The following SPAG16 variants were observed in gnomAD, a reference collection of about 807,000 sequenced individuals.
SPAG16 encodes the protein sperm associated antigen 16.
Under a neutral mutation model 80.4 loss-of-function variants are expected in SPAG16, and 86 were observed. That is an observed-to-expected ratio of 1.07 (90% CI 0.90 to 1.28). The LOEUF (loss-of-function observed/expected upper bound fraction) is 1.28. Among genes scored for constraint, SPAG16 ranks in the 50% most tolerant of loss-of-function variants. SPAG16 has a pLI of 0.00. For synonymous variants in SPAG16, 294 were observed against 265.9 expected, an observed-to-expected ratio of 1.11 and a Z score of -1.03; for missense variants, 870 against 765.3, an observed-to-expected ratio of 1.14 and a Z score of -1.61.
intron 10 of SPAG16, among the ~76,000 whole-genome samples, chr2:213,817,528 T>C (rs1663798220): frequency 1.3e-5 from 2 of 152,006 alleles, no homozygotes; most frequent in Admixed American, 6.6e-5. Flanking sequence ...GATATATATA[T>C]ACTTTTATGT....
chr2:213,835,950 A>T (rs2074048363), intron 10 of SPAG16, among the ~76,000 whole-genome samples: 1 of 152,194 alleles, frequency 6.6e-6, no homozygotes, highest in African/African-American at 2.4e-5. Flanking sequence ...AATTGAACCT[A>T]TACCCATGTT....
At chr2:214,328,407 C>A (rs1487304038) in intron 15 of SPAG16, among the ~76,000 whole-genome samples, 1 of 152,206 alleles carries the variant, frequency 6.6e-6, no homozygotes, top group African/African-American at 2.4e-5. Context: ...AAGTGATCCA[C>A]CCGCCTCGGC....
At chr2:213,350,845 CA>C (rs1465070923) in intron 7 of SPAG16, among the ~76,000 whole-genome samples, 200 bp downstream of exon 7, 5 of 152,018 alleles carry the variant, frequency 3.3e-5, no homozygotes, top group Admixed American at 6.6e-5. Flanking sequence ...AAAATTAGGC[CA>C]GGGGCAGTGG....
At chr2:214,151,724 A>G (rs1455350602) in intron 15 of SPAG16, among the ~76,000 whole-genome samples, 2 of 151,622 alleles carry the variant, frequency 1.3e-5, no homozygotes, top group Non-Finnish European at 3.0e-5. Flanking sequence ...GTGCAGTTAT[A>G]TACACCTAGC....
At chr2:213,616,786 C>T (rs1190451566) in intron 10 of SPAG16, among the ~76,000 whole-genome samples, 1 of 152,104 alleles carries the variant, frequency 6.6e-6, no homozygotes, top group Non-Finnish European at 1.5e-5. Context: ...TCATATGCTT[C>T]AGTTAAGGTA....
chr2:213,980,712 G>GTGTATATATATATATATATATATA (rs1469351640), intron 12 of SPAG16, among the ~76,000 whole-genome samples: 3 of 113,998 alleles, frequency 2.6e-5, no homozygotes, highest in Admixed American at 2.0e-4. Flanking sequence ...GTGTGTGTGT[G>GTGTATATATATATATATATATATA]TATATATATA....
intron 15 of SPAG16, among the ~76,000 whole-genome samples, chr2:214,296,493 A>G (rs1694143125): frequency 6.6e-6 from 1 of 152,188 alleles, no homozygotes; most frequent in Non-Finnish European, 1.5e-5. Flanking sequence ...AGGTTTTACT[A>G]ATTTACACTC....
intron 10 of SPAG16, among the ~76,000 whole-genome samples, chr2:213,627,470 C>A (rs1048601088): frequency 2.6e-5 from 4 of 152,148 alleles, no homozygotes; most frequent in Admixed American, 2.0e-4. Context: ...AAGCCACTTG[C>A]GGAAAGCCCC....
intron 11 of SPAG16, among the ~76,000 whole-genome samples, chr2:213,910,036 A>G (rs987804456): frequency 7.9e-5 from 12 of 152,206 alleles, no homozygotes; most frequent in Non-Finnish European, 1.2e-4. Context: ...AACCAAAATC[A>G]TACCTTTTAC....
At chr2:213,737,858 G>A (rs931062601) in intron 10 of SPAG16, among the ~76,000 whole-genome samples, 3 of 151,930 alleles carry the variant, frequency 2.0e-5, no homozygotes, top group Non-Finnish European at 4.4e-5. Flanking sequence ...AGTTATTTTC[G>A]ATTTTTGTCA....
At chr2:213,335,269 A>T (rs183584419) in intron 5 of SPAG16, among the ~76,000 whole-genome samples, 12 of 152,318 alleles carry the variant, frequency 7.9e-5, no homozygotes, top group Admixed American at 2.0e-4. Flanking sequence ...AGAAAATTAC[A>T]TCCCTATCTA....
intron 11 of SPAG16, among the ~76,000 whole-genome samples, chr2:213,920,165 C>T (rs1377507537): frequency 6.6e-6 from 1 of 152,014 alleles, no homozygotes; most frequent in Non-Finnish European, 1.5e-5. Context: ...TATTTTTGAG[C>T]CTCTGAGTGT....
At chr2:214,147,790 A>G (rs1042807795) in intron 14 of SPAG16, among the ~76,000 whole-genome samples, 1 of 152,172 alleles carries the variant, frequency 6.6e-6, no homozygotes, top group Admixed American at 6.5e-5. Flanking sequence ...GCCAGTGACA[A>G]CAGTTATAGA....
chr2:213,308,167 C>G (rs920302369), intron 3 of SPAG16, among the ~76,000 whole-genome samples: 1 of 152,044 alleles, frequency 6.6e-6, no homozygotes, highest in African/African-American at 2.4e-5. Context: ...TTTTATTGAG[C>G]AACACTTCAT....
chr2:214,041,888 TTATA>T (rs1241989379), intron 13 of SPAG16, among the ~76,000 whole-genome samples: 1 of 148,266 alleles, frequency 6.7e-6, no homozygotes, highest in African/African-American at 2.5e-5. Flanking sequence ...ATGTACATAT[TTATA>T]TATAGTCTGT....
intron 10 of SPAG16, among the ~76,000 whole-genome samples, chr2:213,513,231 C>T (rs1021824887): frequency 2.0e-5 from 3 of 152,118 alleles, no homozygotes; most frequent in African/African-American, 7.2e-5. Context: ...CTTCTCTATG[C>T]CCTATATTTT....
intron 10 of SPAG16, among the ~76,000 whole-genome samples, chr2:213,672,708 C>T (rs2063860008): frequency 6.6e-6 from 1 of 151,988 alleles, no homozygotes; most frequent in Non-Finnish European, 1.5e-5. Context: ...ATATGGGTAT[C>T]ACATTATTGC....
chr2:213,499,080 C>G (rs1291057648), intron 10 of SPAG16, among the ~76,000 whole-genome samples: 1 of 152,094 alleles, frequency 6.6e-6, no homozygotes, highest in African/African-American at 2.4e-5. Flanking sequence ...CTATGTAGCT[C>G]TAACCAATTT....
At chr2:214,207,235 G>A (rs1228069973) in intron 15 of SPAG16, among the ~76,000 whole-genome samples, 1 of 152,086 alleles carries the variant, frequency 6.6e-6, no homozygotes, top group Non-Finnish European at 1.5e-5. Flanking sequence ...ACATCAGGTA[G>A]GGTCCACCCA....
Sources: allele counts gnomAD v4.1 joint callset (sites outside exome capture counted in the v4.1 genomes callset), GRCh38; gene constraint gnomAD v4.1.1; transcripts MANE v1.5; gene names NCBI Gene and HGNC (gene_info 2026-07-23, HGNC 2026-07-21).